The following DMXL1 variants were observed in gnomAD, a reference collection of about 807,000 sequenced individuals.
The protein encoded by DMXL1 is Dmx like 1.
A neutral mutation model predicts 319.2 loss-of-function variants in DMXL1; 99 were observed. The observed-to-expected ratio is 0.31, with a 90% CI of 0.26 to 0.37. The LOEUF (loss-of-function observed/expected upper bound fraction) is 0.37. DMXL1 is among the 10% of genes least tolerant of loss of function. DMXL1 has a pLI of 1.00. For synonymous variants in DMXL1, 1,385 were observed against 1,235.2 expected, an observed-to-expected ratio of 1.12 and a Z score of -2.54; for missense variants, 3,745 against 3,595.6, an observed-to-expected ratio of 1.04 and a Z score of -1.06.
At chr5:119,244,614 A>T (rs765026894) in intron 43 of DMXL1, 38 bp downstream of exon 43, 9 of 1,501,714 alleles carry the variant, frequency 6.0e-6, no homozygotes, top group Non-Finnish European at 8.3e-6. Flanking sequence ...ACAAAATGAA[A>T]TCTTCAGAAA....
intron 1 of DMXL1, chr5:119,081,462 T>C (rs1484817449): frequency 1.7e-6 from 1 of 574,344 alleles, no homozygotes; most frequent in African/African-American, 2.0e-5. Context: ...AAATAAAACA[T>C]ATTTTAATGT....
At chr5:119,154,310 T>C (rs555269494) in intron 19 of DMXL1, among the ~76,000 whole-genome samples, 1 of 152,324 alleles carries the variant, frequency 6.6e-6, no homozygotes, top group South Asian at 2.1e-4. Context: ...AAGCTAAGCC[T>C]CTTGTGCCAA....
chr5:119,149,299 A>G lies in DMXL1; in HGVS notation c.3472A>G (p.Ile1158Val). Reference protein sequence around the residue: ...EDGSHILTVGIGSKLFMYGPL... With the variant: ...EDGSHILTVGVGSKLFMYGPL... ...CGGTTCTCATATCCTGACTGTAGGA[A>G]TTGGATCAAAACTTTTTATGTATGG... is the stretch of plus-strand genomic sequence containing the variant. The change falls in exon 18 of 44, where the codon ATT (isoleucine) becomes GTT (valine). Residue 1158 changes from isoleucine to valine, a missense_variant. Around this residue, in one of 4 missense-constraint regions of DMXL1, gnomAD observed 2,096 missense variants for 1,985.4 expected, o/e 1.06. Coordinates refer to ENST00000539542, the MANE Select transcript of DMXL1 (RefSeq NM_001290321.3). 1.2e-6 allele frequency: 2 copies of G among 1,613,968 alleles called. No homozygotes were observed. Among genetic ancestry groups the G allele is most frequent in the Non-Finnish European group, 1.7e-6 (2 of 1,179,906 alleles).
At chr5:119,236,807 A>G (rs1787841573) in intron 39 of DMXL1, 1 of 151,968 alleles carries the variant, frequency 6.6e-6, no homozygotes, top group Non-Finnish European at 1.5e-5. Flanking sequence ...CTGTATCAAG[A>G]ATACCTCCCT....
At chr5:119,211,024 T>G (rs2150516508) in intron 34 of DMXL1, among the ~76,000 whole-genome samples, 1 of 150,422 alleles carries the variant, frequency 6.6e-6, no homozygotes, top group South Asian at 2.1e-4. Flanking sequence ...TTTTTTTGCC[T>G]ACTATTGAAA....
At position 119,170,678 on chromosome 5, in the gene DMXL1, T is replaced by C; in HGVS notation, c.5887T>C (p.Ser1963Pro). Reference protein sequence around the residue: ...SQPSVVFQDDSLELKWDSDND... With the variant: ...SQPSVVFQDDPLELKWDSDND... ...ACCAAGTGTTGTGTTTCAGGATGAC[T>C]CTTTAGAGTTAAAATGGGACAGTGA... Residue 1963 changes from serine to proline, a missense_variant, in exon 24 of 44, where the codon TCT (serine) becomes CCT (proline). Transcript: ENST00000539542. The C allele has an allele frequency of 6.2e-7, 1 of 1,613,690 alleles. No individual in the cohort carries two copies. Among genetic ancestry groups the C allele is most frequent in the Non-Finnish European group, 8.5e-7 (1 of 1,179,916 alleles).
At chr5:119,176,939 TA>T (rs896258290) in intron 26 of DMXL1, among the ~76,000 whole-genome samples, 1 of 152,126 alleles carries the variant, frequency 6.6e-6, no homozygotes, top group African/African-American at 2.4e-5. Flanking sequence ...GTTCCACTAT[TA>T]AATTTTATGG....
At chr5:119,179,843 C>G (rs1280560300) in intron 28 of DMXL1, among the ~76,000 whole-genome samples, 1 of 152,068 alleles carries the variant, frequency 6.6e-6, no homozygotes, top group Non-Finnish European at 1.5e-5. Context: ...AAAAAACAGG[C>G]AGGAATTTCT....
chr5:119,081,624 T>C (rs941971480), intron 1 of DMXL1: 2 of 984,598 alleles, frequency 2.0e-6, no homozygotes, highest in Admixed American at 6.2e-5. Flanking sequence ...GATGAGAAGT[T>C]AATGTGAAGA....
chr5:119,156,571 T>C (rs1771118354), intron 19 of DMXL1, among the ~76,000 whole-genome samples: 1 of 152,204 alleles, frequency 6.6e-6, no homozygotes, highest in Admixed American at 6.5e-5. Flanking sequence ...TGCAGCTATC[T>C]CTTCAACATA....
At chr5:119,071,831 G>C (rs367727665) in intron 1 of DMXL1, among the ~76,000 whole-genome samples, 175 bp downstream of exon 1, 1 of 152,022 alleles carries the variant, frequency 6.6e-6, no homozygotes, top group Non-Finnish European at 1.5e-5. Flanking sequence ...AAACCATGTC[G>C]GTCAGTGAGG....
intron 10 of DMXL1, among the ~76,000 whole-genome samples, chr5:119,130,594 G>A (rs1764653621): frequency 6.6e-6 from 1 of 151,968 alleles, no homozygotes; most frequent in Non-Finnish European, 1.5e-5. Context: ...CCATCCACCT[G>A]GGCCTCCCAA....
chr5:119,244,220 G>T, intron 42 of DMXL1, 139 bp from the exon 43 acceptor site: 1 of 669,098 alleles, frequency 1.5e-6, no homozygotes, highest in Non-Finnish European at 2.5e-6. Context: ...TGAAATCATT[G>T]GTTTTTATAT....
chr5:119,152,409 T>A (rs1478073763), intron 19 of DMXL1, among the ~76,000 whole-genome samples: 1 of 152,190 alleles, frequency 6.6e-6, no homozygotes, highest in Non-Finnish European at 1.5e-5. Flanking sequence ...TGAATAACAT[T>A]TGTGTTATAA....
At chr5:119,172,025 G>T in intron 25 of DMXL1, 56 bp downstream of exon 25, 1 of 1,448,234 alleles carries the variant, frequency 6.9e-7, no homozygotes, top group Non-Finnish European at 9.3e-7. Flanking sequence ...AAAACTACAA[G>T]ATAAATATTA....
At chr5:119,116,682 C>T (rs528088748) in intron 7 of DMXL1, among the ~76,000 whole-genome samples, 5 of 152,278 alleles carry the variant, frequency 3.3e-5, no homozygotes, top group African/African-American at 1.2e-4. Context: ...TACATAAATA[C>T]TCTGTCGTCT....
At chr5:119,203,843 T>C (rs1390591602) in intron 33 of DMXL1, among the ~76,000 whole-genome samples, 2 of 152,204 alleles carry the variant, frequency 1.3e-5, no homozygotes, top group Admixed American at 1.3e-4. Flanking sequence ...TCTTTGGAGA[T>C]GGAGTCTTGT....
intron 9 of DMXL1, chr5:119,128,184 G>C (rs1319112391): frequency 2.2e-6 from 1 of 454,872 alleles, no homozygotes; most frequent in Non-Finnish European, 4.3e-6. Context: ...CCACCTGCAC[G>C]GTCTTTTTAA....
At chr5:119,194,930 T>C (rs1779342544) in intron 30 of DMXL1, among the ~76,000 whole-genome samples, 1 of 151,932 alleles carries the variant, frequency 6.6e-6, no homozygotes, top group Admixed American at 6.6e-5. Context: ...AAAACTTGAA[T>C]AGACATTTCT....
Sources: allele counts gnomAD v4.1 joint callset (sites outside exome capture counted in the v4.1 genomes callset), GRCh38; gene constraint gnomAD v4.1.1; regional missense constraint gnomAD v4.1.1; transcripts MANE v1.5; gene names NCBI Gene and HGNC (gene_info 2026-07-23, HGNC 2026-07-21).